TYW1: variants seen among roughly 807,000 people sequenced by gnomAD.
TYW1 encodes tRNA-yW synthesizing protein 1 homolog, also known as S-adenosyl-L-methionine-dependent tRNA 4-demethylwyosine synthase TYW1.
In TYW1, 46 loss-of-function variants were observed where a neutral mutation model predicts 96.2. The ratio of observed to expected loss-of-function variants is 0.48; its 90% CI spans 0.38 to 0.61. The LOEUF is 0.61. Among genes scored for constraint, TYW1 ranks in the 20% least tolerant of loss-of-function variants. The probability of loss-of-function intolerance (pLI) is 0.00; values close to 1 mark genes in which losing one functional copy is unlikely to be tolerated. For missense variants in TYW1, 684 were observed against 909.6 expected (o/e 0.75, Z 3.19); for synonymous variants, 274 against 323.0 (o/e 0.85, Z 1.63).
chr7:67,029,402 T>TA (rs1282584542), intron 7 of TYW1, among the ~76,000 whole-genome samples: 1 of 125,974 alleles, frequency 7.9e-6, no homozygotes, highest in Non-Finnish European at 1.7e-5. Context: ...TGTGTGTGTG[T>TA]GTGTGTGTGT....
chr7:67,068,589 T>A (rs1342130946), intron 10 of TYW1, among the ~76,000 whole-genome samples: 1 of 152,236 alleles, frequency 6.6e-6, no homozygotes, highest in Non-Finnish European at 1.5e-5. Context: ...TTCTTTTCAG[T>A]TTCCCCTGTT....
chr7:67,138,723 T>C (rs34010436), intron 13 of TYW1, among the ~76,000 whole-genome samples: 190 of 152,246 alleles, frequency 1.2e-3, no homozygotes, highest in African/African-American at 3.1e-3. Flanking sequence ...AGTGAGAACA[T>C]GCGATGTTTG....
chr7:67,136,552 T>C (rs1798260000), intron 13 of TYW1, among the ~76,000 whole-genome samples: 1 of 152,080 alleles, frequency 6.6e-6, no homozygotes, highest in East Asian at 1.9e-4. Context: ...TTTAAACTGT[T>C]AGCTGATGAA....
intron 11 of TYW1, among the ~76,000 whole-genome samples, chr7:67,092,065 T>C (rs567044478): frequency 7.9e-4 from 120 of 152,306 alleles, no homozygotes; most frequent in African/African-American, 2.8e-3. Context: ...CCCTGTCCTG[T>C]TAGCCCCAAT....
intron 10 of TYW1, among the ~76,000 whole-genome samples, chr7:67,078,981 A>C (rs1473237050): frequency 6.6e-6 from 1 of 152,186 alleles, no homozygotes; most frequent in Non-Finnish European, 1.5e-5. Context: ...GACGTGAGCC[A>C]CCGCGCCTGG....
At chr7:67,081,155 T>A (rs541539697) in intron 10 of TYW1, among the ~76,000 whole-genome samples, 9,657 of 151,376 alleles carry the variant, frequency 0.064, 430 homozygotes, top group South Asian at 0.11. Context: ...ATTCCCTCAG[T>A]TTTTACTTGT....
intron 7 of TYW1, among the ~76,000 whole-genome samples, chr7:67,036,136 TTA>T (rs1794836152): frequency 6.7e-6 from 1 of 149,308 alleles, no homozygotes; most frequent in African/African-American, 2.4e-5. Flanking sequence ...CAGTGGCAAC[TTA>T]TAATGAGTCT....
chr7:67,238,980 T>C lies in TYW1; in HGVS notation c.*451T>C, dbSNP rs1370088473. 2 of 994,970 alleles carry C rather than the reference T, an allele frequency of 2.0e-6. No individual in the cohort carries two copies. The highest frequency in any genetic ancestry group is 1.2e-6 in the Non-Finnish European group (1 of 834,758). 61.6% of individuals were successfully genotyped at this position (994,970 alleles called of 1,614,324 possible). ...CTGAGCTAAACGTGTCTGTGCTTTC[T>C]AAGATAAGAGCTTGATCCCTTTCTT... is the stretch of plus-strand genomic sequence containing the variant. On this transcript the variant is annotated 3_prime_UTR_variant, in exon 16 of 16. Coordinates refer to ENST00000359626, the MANE Select transcript of TYW1 (RefSeq NM_018264.4).
chr7:67,134,699 G>A (rs535586996), intron 13 of TYW1, among the ~76,000 whole-genome samples: 6 of 150,840 alleles, frequency 4.0e-5, no homozygotes, highest in Admixed American at 6.6e-5. Context: ...TCTTCATTCT[G>A]CCAAGGGCTC....
At chr7:67,049,246 CTAT>C (rs1795284259) in intron 7 of TYW1, among the ~76,000 whole-genome samples, 1 of 152,138 alleles carries the variant, frequency 6.6e-6, no homozygotes, top group Non-Finnish European at 1.5e-5. Context: ...TTCTCTATTG[CTAT>C]TATTATTTTT....
At chr7:67,118,307 A>G (rs1178118819) in intron 13 of TYW1, among the ~76,000 whole-genome samples, 1 of 152,134 alleles carries the variant, frequency 6.6e-6, no homozygotes, top group East Asian at 1.9e-4. Flanking sequence ...AGCCTGGGTG[A>G]CAGAGTGAGA....
intron 15 of TYW1, 43 bp from the exon 16 acceptor site, chr7:67,238,263 TAG>T: frequency 2.6e-6 from 4 of 1,561,258 alleles, no homozygotes; most frequent in Middle Eastern, 1.7e-4. Context: ...TTTTTTTTTC[TAG>T]GGATGTTTTT....
chr7:67,052,979 G>A lies in TYW1; in HGVS notation c.1103-2856G>A, dbSNP rs867567656. On this transcript the variant is annotated intron_variant, in intron 8 of 15. Coordinates refer to ENST00000359626, the MANE Select transcript of TYW1 (RefSeq NM_018264.4). ...GATGGTCTCGATCTCCTGACCTCCTGATCTGCCCACCTTGGCCTCCCAAAC... is the reference window on the plus strand; with the variant it reads ...GATGGTCTCGATCTCCTGACCTCCTAATCTGCCCACCTTGGCCTCCCAAAC... Among the ~76,000 whole-genome samples, 5 of 151,784 alleles carry A rather than the reference G, an allele frequency of 3.3e-5. 1 individual carries two copies. The South Asian group carries it at 1.0e-3, about 31-fold the overall frequency.
chr7:67,076,981 C>T (rs1008483371), intron 10 of TYW1, among the ~76,000 whole-genome samples: 26 of 152,142 alleles, frequency 1.7e-4, no homozygotes, highest in Non-Finnish European at 2.8e-4. Flanking sequence ...ACCAAGTTGG[C>T]CAGGCTGGCT....
chr7:67,091,061 T>G (rs1796700273), intron 11 of TYW1, among the ~76,000 whole-genome samples: 1 of 152,198 alleles, frequency 6.6e-6, no homozygotes, highest in African/African-American at 2.4e-5. Flanking sequence ...ATCCCATTAC[T>G]GGGTGTATAC....
At chr7:67,207,331 T>C (rs1475688998) in intron 15 of TYW1, among the ~76,000 whole-genome samples, 1 of 152,212 alleles carries the variant, frequency 6.6e-6, no homozygotes, top group Non-Finnish European at 1.5e-5. Flanking sequence ...ATCAGAAACT[T>C]TGTTCCATCT....
At chr7:67,067,235 T>C (rs759671945) in intron 9 of TYW1, 50 bp from the exon 10 acceptor site, 23 of 1,590,142 alleles carry the variant, frequency 1.4e-5, no homozygotes, top group Non-Finnish European at 1.9e-5. Flanking sequence ...GTGGTTTGTT[T>C]CTGTGCTTTG....
At chr7:67,116,358 A>G (rs1232466646) in intron 12 of TYW1, among the ~76,000 whole-genome samples, 1 of 150,108 alleles carries the variant, frequency 6.7e-6, no homozygotes, top group Non-Finnish European at 1.5e-5. Flanking sequence ...GAAAAGAAAA[A>G]AAGTATAGTC....
chr7:67,103,396 C>T (rs13243205), intron 12 of TYW1, among the ~76,000 whole-genome samples: 2 of 152,156 alleles, frequency 1.3e-5, no homozygotes, highest in Admixed American at 1.3e-4. Context: ...CTAGAAAAAA[C>T]TTCAAAAACA....
Sources: allele counts gnomAD v4.1 joint callset (sites outside exome capture counted in the v4.1 genomes callset), GRCh38; gene constraint gnomAD v4.1.1; transcripts MANE v1.5; gene names NCBI Gene and HGNC (gene_info 2026-07-23, HGNC 2026-07-21).